NMBR: variants seen among roughly 807,000 people sequenced by gnomAD.
NMBR encodes neuromedin B receptor, also known as neuromedin-B receptor.
A neutral mutation model predicts 20.5 loss-of-function variants in NMBR; 16 were observed. The observed-to-expected ratio is 0.78, with a 90% CI of 0.53 to 1.19. NMBR has a LOEUF of 1.19. Ranked by LOEUF, NMBR falls within the 50% of genes most tolerant of loss-of-function variation. NMBR has a pLI of 0.00. For synonymous variants in NMBR, 212 were observed against 196.6 expected, an observed-to-expected ratio of 1.08 and a Z score of -0.65; for missense variants, 582 against 499.1, an observed-to-expected ratio of 1.17 and a Z score of -1.58.
At chr6:142,133,282 T>C (rs1778178385) in intron 1 of NMBR, 2 of 538,280 alleles carry the variant, frequency 3.7e-6, no homozygotes, top group Non-Finnish European at 3.3e-6. Flanking sequence ...GGTGAATAAA[T>C]TCTCTACATC....
intron 1 of NMBR, among the ~76,000 whole-genome samples, chr6:142,098,699 A>G (rs943051466): frequency 2.6e-5 from 4 of 152,198 alleles, no homozygotes; most frequent in Non-Finnish European, 5.9e-5. Flanking sequence ...TTCCATATTC[A>G]TGGATTGGAA....
chr6:142,105,430 T>C (rs563026815), intron 1 of NMBR, among the ~76,000 whole-genome samples: 2 of 152,176 alleles, frequency 1.3e-5, no homozygotes, highest in East Asian at 1.9e-4. Flanking sequence ...CTTATTTTAA[T>C]AAAACCTGTA....
chr6:142,091,777 T>C (rs944105867), intron 1 of NMBR, among the ~76,000 whole-genome samples: 1 of 152,248 alleles, frequency 6.6e-6, no homozygotes, highest in Non-Finnish European at 1.5e-5. Flanking sequence ...ATGTGATTTC[T>C]ATATAAATGA....
At chr6:142,087,801 G>A (rs1376216176) in intron 2 of NMBR, among the ~76,000 whole-genome samples, 1 of 151,988 alleles carries the variant, frequency 6.6e-6, no homozygotes, top group Non-Finnish European at 1.5e-5. Flanking sequence ...TTAAATATTT[G>A]CCTAATATTA....
At chr6:142,113,699 T>C (rs1777808446) in intron 1 of NMBR, among the ~76,000 whole-genome samples, 1 of 152,198 alleles carries the variant, frequency 6.6e-6, no homozygotes, top group Admixed American at 6.6e-5. Flanking sequence ...TTGAATGTTT[T>C]CTTATCCACA....
Position 142,075,606 on chromosome 6 carries a change from A to T in NMBR, c.*42T>A, listed in dbSNP as rs764083048. 6.6e-7 allele frequency: 1 copy of T among 1,524,340 alleles called. No individual in the cohort carries two copies. The highest frequency in any genetic ancestry group is 8.8e-7 in the Non-Finnish European group (1 of 1,132,950). The allele number at this position is 1,524,340 out of a possible 1,614,324, so 94.4% of individuals were successfully genotyped here. ...TGATCTGCCGAATAGGAATTTTAAC[A>T]GTTACTAAGTTCTCTCCAGGTAGTG... On this transcript the variant is annotated 3_prime_UTR_variant, in exon 4 of 4. Transcript: ENST00000258042.
At chr6:142,079,801 T>C (rs1311378776) in intron 2 of NMBR, among the ~76,000 whole-genome samples, 1 of 152,186 alleles carries the variant, frequency 6.6e-6, no homozygotes, top group East Asian at 1.9e-4. Flanking sequence ...CAAGATCCCA[T>C]AAAATTCTTT....
At chr6:142,111,112 C>G (rs1412311987) in intron 1 of NMBR, among the ~76,000 whole-genome samples, 1 of 151,818 alleles carries the variant, frequency 6.6e-6, no homozygotes, top group Admixed American at 6.6e-5. Context: ...TGGTGGCATG[C>G]GCGTGTATTC....
At chr6:142,076,539 A>G (rs1445776976) in intron 3 of NMBR, among the ~76,000 whole-genome samples, 2 of 152,162 alleles carry the variant, frequency 1.3e-5, no homozygotes, top group Non-Finnish European at 2.9e-5. Flanking sequence ...TGAAATTTAA[A>G]CTCCTGACTT....
chr6:142,127,362 A>T (rs1778058846), intron 1 of NMBR, among the ~76,000 whole-genome samples: 1 of 152,022 alleles, frequency 6.6e-6, no homozygotes, highest in African/African-American at 2.4e-5. Flanking sequence ...TTTTTATGCC[A>T]ATACTATACT....
chr6:142,079,108 A>AAGAGAGAGAGAGAG (rs754275458), intron 2 of NMBR, among the ~76,000 whole-genome samples: 16 of 112,248 alleles, frequency 1.4e-4, no homozygotes, highest in Admixed American at 3.9e-4. Flanking sequence ...GAGAGAGAGA[A>AAGAGAGAGAGAGAG]AGAAAGAAAG....
intron 1 of NMBR, among the ~76,000 whole-genome samples, chr6:142,103,070 T>G (rs1397287676): frequency 6.6e-6 from 1 of 152,078 alleles, no homozygotes; most frequent in South Asian, 2.1e-4. Flanking sequence ...AGGGGGCCTA[T>G]GTGAGTTGTG....
chr6:142,087,685 CT>C (rs1442850756), intron 2 of NMBR, among the ~76,000 whole-genome samples: 1 of 152,164 alleles, frequency 6.6e-6, no homozygotes, highest in East Asian at 1.9e-4. Flanking sequence ...GAAAAGTCAT[CT>C]GCCCAAAGAA....
rs370557510 is a variant in NMBR at position 142,102,364 on chromosome 6, T to C, written c.-663-13043A>G. On this transcript the variant is annotated intron_variant, in intron 1 of 3. Coordinates refer to ENST00000258042, the MANE Select transcript of NMBR (RefSeq NM_002511.4). ...AAGATTGGGCCACTGCACTCCAGCC[T>C]GGGTGACAGAGCAACACTCTGTCTC... is the stretch of plus-strand genomic sequence containing the variant. 3.5e-5 allele frequency among the ~76,000 whole-genome samples: 5 copies of C among 140,910 alleles called. No homozygotes were observed. The East Asian group carries it at 1.0e-3, about 30-fold the overall frequency. The allele number at this position is 140,910 out of a possible 152,430, so 92.4% of individuals were successfully genotyped here.
intron 1 of NMBR, among the ~76,000 whole-genome samples, chr6:142,105,120 C>T (rs1017693575): frequency 1.5e-5 from 2 of 135,182 alleles, no homozygotes; most frequent in Admixed American, 1.6e-4. Context: ...GGGAATATCA[C>T]AAAGTACATT....
intron 1 of NMBR, among the ~76,000 whole-genome samples, chr6:142,120,114 G>A (rs770151465): frequency 4.1e-4 from 62 of 152,078 alleles, no homozygotes; most frequent in South Asian, 8.3e-4. Flanking sequence ...CACAAGACCA[G>A]TTTAAGAGAC....
At chr6:142,134,451 GAGTT>G (rs750489278) in intron 1 of NMBR, 19 of 457,760 alleles carry the variant, frequency 4.2e-5, no homozygotes, top group Non-Finnish European at 7.3e-5. Flanking sequence ...ACTCTGTTGA[GAGTT>G]AGTGGGGTTT....
chr6:142,075,709 T>C lies in NMBR; in HGVS notation c.1112A>G (p.Asn371Ser). 6.2e-7 allele frequency: 1 copy of C among 1,613,942 alleles called. No homozygotes were observed. ...TAGTAAAACAGAATTGGTCACCATG[T>C]TCTTAGCATTGCTTTTCAGAGATGT... ...RMTSLKSNAK[N>S]MVTNSVLLNG... Residue 371 changes from asparagine (N) to serine (S), a missense_variant, in exon 4 of 4, where the codon AAC becomes AGC. Coordinates refer to ENST00000258042, the MANE Select transcript of NMBR (RefSeq NM_002511.4).
intron 1 of NMBR, among the ~76,000 whole-genome samples, chr6:142,117,009 T>C (rs768117531): frequency 5.9e-5 from 9 of 151,998 alleles, no homozygotes; most frequent in Non-Finnish European, 1.0e-4. Context: ...TTGTAGCACC[T>C]TAAACTCATG....
Sources: gnomAD v4.1 joint callset for allele counts (sites outside exome capture counted in the v4.1 genomes callset) on GRCh38, gnomAD v4.1.1 for gene constraint, MANE v1.5 for transcripts, NCBI Gene and HGNC (gene_info 2026-07-23, HGNC 2026-07-21) for gene names.